RAPGEF4: variants seen among roughly 807,000 people sequenced by gnomAD.
The protein encoded by RAPGEF4 is RAP guanine-nucleotide-exchange factor (GEF) 4.
In RAPGEF4, 66 loss-of-function variants were observed where a neutral mutation model predicts 147.9. The ratio of observed to expected loss-of-function variants is 0.45; its 90% confidence interval spans 0.37 to 0.55. The LOEUF (loss-of-function observed/expected upper bound fraction) is 0.55, where lower values mean the gene tolerates loss of function less well. Ranked by LOEUF, RAPGEF4 falls within the 20% of genes least tolerant of loss-of-function variation. The pLI is 0.00. For synonymous variants in RAPGEF4, 419 were observed against 442.7 expected (o/e 0.95, Z 0.67); for missense variants, 1,071 against 1,257.3 (o/e 0.85, Z 2.24).
chr2:173,037,808 C>G (rs1305789255), intron 29 of RAPGEF4, among the ~76,000 whole-genome samples: 1 of 152,076 alleles, frequency 6.6e-6, no homozygotes, highest in Non-Finnish European at 1.5e-5. Context: ...GTCGGTTTCC[C>G]CAACAGAAAA....
At chr2:173,024,919 T>C (rs894551915) in intron 23 of RAPGEF4, among the ~76,000 whole-genome samples, 1 of 152,224 alleles carries the variant, frequency 6.6e-6, no homozygotes, top group Non-Finnish European at 1.5e-5. Flanking sequence ...CATGCTCTTG[T>C]TGCCATCCTT....
chr2:172,745,441 G>C (rs1478394001), intron 1 of RAPGEF4, among the ~76,000 whole-genome samples: 1 of 151,138 alleles, frequency 6.6e-6, no homozygotes, highest in Non-Finnish European at 1.5e-5. Flanking sequence ...TCCCATATTG[G>C]TAATTTGTGT....
At chr2:172,789,778 G>C (rs1038471084) in intron 1 of RAPGEF4, among the ~76,000 whole-genome samples, 32 of 152,152 alleles carry the variant, frequency 2.1e-4, no homozygotes, top group Admixed American at 8.5e-4. Flanking sequence ...TGTTGTCACA[G>C]ATTGCAGAAT....
intron 4 of RAPGEF4, among the ~76,000 whole-genome samples, chr2:172,832,119 G>A (rs1690420102): frequency 6.6e-6 from 1 of 152,178 alleles, no homozygotes; most frequent in Admixed American, 6.5e-5. Flanking sequence ...GTGAAATATT[G>A]CCTTTGTTTA....
At chr2:172,880,348 C>T (rs1419571684) in intron 4 of RAPGEF4, among the ~76,000 whole-genome samples, 1 of 152,206 alleles carries the variant, frequency 6.6e-6, no homozygotes, top group East Asian at 1.9e-4. Context: ...ATTGCATCTC[C>T]CTGACACCTT....
intron 2 of RAPGEF4, among the ~76,000 whole-genome samples, chr2:172,796,904 TG>T (rs1247422990): frequency 6.6e-5 from 10 of 152,204 alleles, no homozygotes; most frequent in Admixed American, 1.3e-4. Flanking sequence ...ACCAGTGTTT[TG>T]GAATTACTTT....
At chr2:172,785,964 A>G (rs1024350334) in intron 1 of RAPGEF4, among the ~76,000 whole-genome samples, 8 of 152,250 alleles carry the variant, frequency 5.3e-5, no homozygotes, top group African/African-American at 1.9e-4. Flanking sequence ...AGGGTTTGCA[A>G]ATATTGACTG....
chr2:173,005,263 A>G (rs1694314548), intron 17 of RAPGEF4, among the ~76,000 whole-genome samples: 1 of 152,142 alleles, frequency 6.6e-6, no homozygotes, highest in Admixed American at 6.6e-5. Context: ...TCTGATGTGT[A>G]TTCCCAAATT....
At chr2:172,796,427 T>C (rs1686371823) in intron 2 of RAPGEF4, among the ~76,000 whole-genome samples, 1 of 151,978 alleles carries the variant, frequency 6.6e-6, no homozygotes, top group Admixed American at 6.6e-5. Flanking sequence ...CTACTAAAAA[T>C]ACAAACAATT....
At position 172,808,880 on chromosome 2, in the gene RAPGEF4, G is replaced by A. The variant is rs532406234; in HGVS notation, c.298-5399G>A. On this transcript the variant is annotated intron_variant, in intron 3 of 30. Transcript: ENST00000397081. The stretch of plus-strand genomic sequence containing the variant: ...TGAGCATTGAGTGTTCTGACCATGG[G>A]TAGCCTCCACGTGGGAGTCCTTTGC... 2.6e-5 allele frequency among the ~76,000 whole-genome samples: 4 copies of A among 152,290 alleles called. No individual in the cohort carries two copies. The South Asian group carries it at 8.3e-4, about 32-fold the overall frequency.
chr2:172,745,570 T>G (rs569174177), intron 1 of RAPGEF4, among the ~76,000 whole-genome samples: 2 of 152,294 alleles, frequency 1.3e-5, no homozygotes, highest in South Asian at 4.1e-4. Flanking sequence ...TGCTCATTTT[T>G]TTTTCCTTTT....
At chr2:172,975,880 T>C (rs1436834649) in intron 10 of RAPGEF4, among the ~76,000 whole-genome samples, 1 of 152,370 alleles carries the variant, frequency 6.6e-6, no homozygotes, top group East Asian at 1.9e-4. Flanking sequence ...TTAAAAGATT[T>C]AATGTTAAAC....
At chr2:172,737,892 T>C (rs564036782) in intron 1 of RAPGEF4, among the ~76,000 whole-genome samples, 1 of 152,124 alleles carries the variant, frequency 6.6e-6, no homozygotes, top group East Asian at 1.9e-4. Flanking sequence ...AGTGGACAAA[T>C]GGAAGGAGAA....
intron 1 of RAPGEF4, among the ~76,000 whole-genome samples, chr2:172,754,995 A>T (rs1055399314): frequency 6.6e-6 from 1 of 152,140 alleles, no homozygotes; most frequent in Admixed American, 6.5e-5. Context: ...GTGAGCCAAG[A>T]TCACACCACT....
chr2:173,051,568 T>C (rs1261651236), intron 30 of RAPGEF4, 72 bp from the exon 31 acceptor site: 2 of 1,466,384 alleles, frequency 1.4e-6, no homozygotes, highest in African/African-American at 1.4e-5. Flanking sequence ...TAATAAATAA[T>C]TGGAGAAGTA....
intron 14 of RAPGEF4, among the ~76,000 whole-genome samples, chr2:172,990,279 T>C (rs573686017): frequency 6.6e-6 from 1 of 152,208 alleles, no homozygotes. Context: ...CGAATCAGAT[T>C]AGGACCATTA....
intron 6 of RAPGEF4, among the ~76,000 whole-genome samples, chr2:172,953,460 T>C (rs954759352): frequency 3.3e-5 from 5 of 150,982 alleles, no homozygotes; most frequent in African/African-American, 4.9e-5. Flanking sequence ...TTTGTTATAA[T>C]ATATGTAAAA....
intron 6 of RAPGEF4, among the ~76,000 whole-genome samples, chr2:172,924,448 C>T (rs186611281): frequency 7.2e-5 from 11 of 152,322 alleles, no homozygotes; most frequent in Admixed American, 6.5e-4. Flanking sequence ...CAGGCCATCT[C>T]CCTAATACTA....
intron 6 of RAPGEF4, among the ~76,000 whole-genome samples, chr2:172,954,160 C>T (rs890715814): frequency 3.3e-5 from 5 of 152,122 alleles, no homozygotes; most frequent in African/African-American, 9.7e-5. Context: ...CAGCTGAAAA[C>T]GCCCCATCCC....
Sources: gnomAD v4.1 joint callset for allele counts (sites outside exome capture counted in the v4.1 genomes callset) on GRCh38, gnomAD v4.1.1 for gene constraint, MANE v1.5 for transcripts, NCBI Gene and HGNC (gene_info 2026-07-23, HGNC 2026-07-21) for gene names.